TMEM132B: variants seen among roughly 807,000 people sequenced by gnomAD.
TMEM132B encodes transmembrane protein 132B.
TMEM132B carries 18 observed loss-of-function variants against 90.8 expected under a neutral mutation model. The observed-to-expected ratio is 0.20, with a 90% CI of 0.14 to 0.29. The LOEUF (loss-of-function observed/expected upper bound fraction) is 0.29. Ranked by LOEUF, TMEM132B falls within the 10% of genes least tolerant of loss-of-function variation. TMEM132B has a pLI of 1.00. For missense variants in TMEM132B, 1,096 were observed against 1,326.8 expected, an observed-to-expected ratio of 0.83 and a Z score of 2.70; for synonymous variants, 504 against 523.3, an observed-to-expected ratio of 0.96 and a Z score of 0.50.
At chr12:125,392,999 G>C (rs1326179326) in intron 2 of TMEM132B, among the ~76,000 whole-genome samples, 1 of 152,158 alleles carries the variant, frequency 6.6e-6, no homozygotes, top group Non-Finnish European at 1.5e-5. Flanking sequence ...GCCCACATTT[G>C]CAACAAGGGC....
intron 2 of TMEM132B, among the ~76,000 whole-genome samples, chr12:125,371,325 C>A (rs1046171227): frequency 2.0e-5 from 3 of 152,166 alleles, no homozygotes; most frequent in Non-Finnish European, 4.4e-5. Context: ...GATGCAGAGA[C>A]AATCCTTCAA....
At chr12:125,557,273 C>T (rs138040318) in intron 4 of TMEM132B, among the ~76,000 whole-genome samples, 173 of 152,136 alleles carry the variant, frequency 1.1e-3, no homozygotes, top group African/African-American at 3.9e-3. Flanking sequence ...AACTACATGC[C>T]GGCCCCTGGA....
chr12:125,308,014 AT>A (rs1307297823), intron 1 of TMEM132B, among the ~76,000 whole-genome samples: 2 of 136,866 alleles, frequency 1.5e-5, no homozygotes, highest in Admixed American at 7.6e-5. Context: ...TAATATAAGT[AT>A]ATATAAGTAA....
intron 5 of TMEM132B, among the ~76,000 whole-genome samples, chr12:125,640,099 G>A (rs1886591456): frequency 6.6e-6 from 1 of 152,164 alleles, no homozygotes. Context: ...ACAACATGCA[G>A]TGCGAGGAGG....
chr12:125,622,647 C>G (rs563013341), intron 5 of TMEM132B: 3 of 985,422 alleles, frequency 3.0e-6, no homozygotes, highest in East Asian at 1.1e-4. Context: ...AGGTGTCCAG[C>G]CTTCTCTGGG....
chr12:125,269,626 C>T (rs1874777363), intron 1 of TMEM132B, among the ~76,000 whole-genome samples: 1 of 152,138 alleles, frequency 6.6e-6, no homozygotes, highest in Non-Finnish European at 1.5e-5. Context: ...CGGGGATCAT[C>T]CTGTCACCTT....
chr12:125,607,263 T>G (rs775594935), intron 5 of TMEM132B, among the ~76,000 whole-genome samples: 6 of 152,234 alleles, frequency 3.9e-5, no homozygotes, highest in African/African-American at 7.2e-5. Context: ...TGTCACATAG[T>G]TTAATTGAGC....
intron 1 of TMEM132B, among the ~76,000 whole-genome samples, chr12:125,238,381 AAAAAAC>A (rs1873987897): frequency 1.4e-5 from 2 of 146,152 alleles, no homozygotes; most frequent in African/African-American, 2.5e-5. Context: ...AAAAAACAAA[AAAAAAC>A]CAAAAAAACA....
chr12:125,555,864 C>A (rs11833631), intron 4 of TMEM132B, among the ~76,000 whole-genome samples: 4,338 of 152,196 alleles, frequency 0.029, 204 homozygotes, highest in African/African-American at 0.099. Flanking sequence ...TTTGAAAATA[C>A]GTACGTGTAT....
intron 6 of TMEM132B, 101 bp from the exon 7 acceptor site, chr12:125,650,582 T>C: frequency 2.8e-6 from 4 of 1,410,518 alleles, no homozygotes; most frequent in Non-Finnish European, 3.8e-6. Flanking sequence ...GAAGGACCAT[T>C]TCATTTCATT....
chr12:125,296,052 C>T (rs942095973), intron 1 of TMEM132B, among the ~76,000 whole-genome samples: 1 of 152,192 alleles, frequency 6.6e-6, no homozygotes, highest in East Asian at 1.9e-4. Context: ...TTGTACTATA[C>T]ATTCACAGCC....
At position 125,657,032 on chromosome 12, in the gene TMEM132B, T is replaced by C. The variant is rs562487045; in HGVS notation, c.*2322T>C. ...CCATGGGGAGTGTTATTCAGGAACA[T>C]AAAAATTAGAGCATTCCCTCTGATG... On this transcript the variant is annotated 3_prime_UTR_variant, in exon 9 of 9. Transcript: ENST00000682704. 1.4e-4 allele frequency: 21 copies of C among 152,210 alleles called. 1 individual carries two copies. In the East Asian group the frequency reaches 2.3e-3, roughly 17 times the overall value. The allele number at this position is 152,210 out of a possible 1,614,324, so 9.4% of individuals were successfully genotyped here.
chr12:125,429,776 A>C (rs1593142018), intron 3 of TMEM132B, among the ~76,000 whole-genome samples: 1 of 152,196 alleles, frequency 6.6e-6, no homozygotes, highest in Non-Finnish European at 1.5e-5. Flanking sequence ...ATCAGGGTAC[A>C]TGCTACTCAC....
intron 1 of TMEM132B, among the ~76,000 whole-genome samples, chr12:125,305,300 C>A (rs759023266): frequency 6.6e-6 from 1 of 150,924 alleles, no homozygotes; most frequent in Non-Finnish European, 1.5e-5. Context: ...CCTTGACATA[C>A]GAGATTCATG....
intron 3 of TMEM132B, among the ~76,000 whole-genome samples, chr12:125,517,357 T>TCA (rs1883191402): frequency 1.0e-5 from 1 of 95,468 alleles, no homozygotes; most frequent in South Asian, 3.2e-4. Flanking sequence ...TTTTTTTTTT[T>TCA]TTTTTTTTGC....
At chr12:125,193,081 G>A (rs755598243) in intron 1 of TMEM132B, among the ~76,000 whole-genome samples, 3 of 152,176 alleles carry the variant, frequency 2.0e-5, no homozygotes, top group Non-Finnish European at 4.4e-5. Context: ...CAGGAAAGGA[G>A]GCAAGAAAGG....
chr12:125,652,446 C>T lies in TMEM132B; in HGVS notation c.1920C>T (p.Leu640=). The T allele has an allele frequency of 6.2e-7, 1 of 1,600,078 alleles. No homozygotes were observed. The highest frequency in any genetic ancestry group is 8.5e-7 in the Non-Finnish European group (1 of 1,172,252). ...TCTCCTCGCTGACTTTTCAGGTCCTCTCGCCGTTGTCTGACTCCATCCTGG... is the reference window on the plus strand; with the variant it reads ...TCTCCTCGCTGACTTTTCAGGTCCTTTCGCCGTTGTCTGACTCCATCCTGG... ...REPGITTVQV[L]SPLSDSILAE... The change falls in exon 8 of 9, where the codon CTC becomes CTT. Residue 640 remains leucine (L), a synonymous_variant. Transcript: ENST00000682704.
At chr12:125,639,254 C>G (rs544539489) in intron 5 of TMEM132B, among the ~76,000 whole-genome samples, 1 of 152,326 alleles carries the variant, frequency 6.6e-6, no homozygotes, top group East Asian at 1.9e-4. Flanking sequence ...TCCAAGGCCT[C>G]ACATTTATCA....
chr12:125,344,537 G>A (rs1271090844), intron 1 of TMEM132B, among the ~76,000 whole-genome samples: 2 of 152,148 alleles, frequency 1.3e-5, no homozygotes, highest in African/African-American at 2.4e-5. Context: ...GAACCACAGA[G>A]GAGATGCAGT....
Sources: gnomAD v4.1 joint callset for allele counts (sites outside exome capture counted in the v4.1 genomes callset) on GRCh38, gnomAD v4.1.1 for gene constraint, MANE v1.5 for transcripts, NCBI Gene and HGNC (gene_info 2026-07-23, HGNC 2026-07-21) for gene names.